CELF2: variants seen among roughly 807,000 people sequenced by gnomAD.
CELF2 encodes the protein CUGBP Elav-like family member 2, also known as CUG triplet repeat RNA-binding protein 2.
A neutral mutation model predicts 62.6 loss-of-function variants in CELF2; 8 were observed. The ratio of observed to expected loss-of-function variants is 0.13; its 90% CI spans 0.07 to 0.23. The LOEUF (loss-of-function observed/expected upper bound fraction) is 0.23. Ranked by LOEUF, CELF2 falls within the 10% of genes least tolerant of loss-of-function variation. The probability of loss-of-function intolerance (pLI) is 1.00; values close to 1 mark genes in which losing one functional copy is unlikely to be tolerated. For missense variants in CELF2, 333 were observed against 671.0 expected, an observed-to-expected ratio of 0.50 and a Z score of 5.56; for synonymous variants, 258 against 250.0, an observed-to-expected ratio of 1.03 and a Z score of -0.30.
At chr10:10,732,824 T>A in the CELF2 span, among the ~76,000 whole-genome samples, 1 of 152,096 alleles carries the variant, frequency 6.6e-6, no homozygotes, top group Non-Finnish European at 1.5e-5. Flanking sequence ...ACGCCCAGCC[T>A]CCAATTCTTT....
rs567831287 is a variant in CELF2, at chr10:11,259,666, C to T, written c.538+1794C>T. On this transcript the variant is annotated intron_variant, in intron 5 of 12. Coordinates refer to ENST00000633077, the MANE Select transcript of CELF2 (RefSeq NM_001326342.2). ...CCATCGCTGTGGCAGACTGCACCAC[C>T]TCTGGCTCCCAAACAGCCTCACCAG... is the stretch of plus-strand genomic sequence containing the variant. Among the ~76,000 whole-genome samples the T allele has an allele frequency of 4.6e-5, 7 of 152,308 alleles. No homozygotes were observed. In the South Asian group the frequency reaches 1.4e-3, roughly 32 times the overall value.
At chr10:11,063,021 C>CA (rs1373917026) in intron 1 of CELF2, among the ~76,000 whole-genome samples, 1 of 152,192 alleles carries the variant, frequency 6.6e-6, no homozygotes, top group East Asian at 1.9e-4. Flanking sequence ...GCGGAAGACT[C>CA]AAACGATAGT....
At chr10:10,701,763 C>A in the CELF2 span, among the ~76,000 whole-genome samples, 1 of 152,182 alleles carries the variant, frequency 6.6e-6, no homozygotes, top group African/African-American at 2.4e-5. Context: ...CTAGGGAGAA[C>A]CACGTCCCAT....
At chr10:10,655,657 C>T in the CELF2 span, among the ~76,000 whole-genome samples, 1 of 124,578 alleles carries the variant, frequency 8.0e-6, no homozygotes, top group Non-Finnish European at 1.8e-5. Context: ...GCTGGGAAAA[C>T]TGGCTAGCCA....
At chr10:11,250,500 T>C (rs138003495) in intron 4 of CELF2, among the ~76,000 whole-genome samples, 6 of 152,342 alleles carry the variant, frequency 3.9e-5, no homozygotes, top group Non-Finnish European at 8.8e-5. Context: ...TCAAATCCGC[T>C]GCTGCTCTGT....
the CELF2 span, among the ~76,000 whole-genome samples, chr10:10,654,745 A>G: frequency 2.5e-3 from 349 of 139,364 alleles, 2 homozygotes; most frequent in African/African-American, 9.1e-3. Flanking sequence ...ATCTATGACA[A>G]ACCCACAGCC....
chr10:10,600,174 C>T, the CELF2 span, among the ~76,000 whole-genome samples: 1 of 152,244 alleles, frequency 6.6e-6, no homozygotes, highest in East Asian at 1.9e-4. Flanking sequence ...GAAATTCATG[C>T]ATCCCAGGAG....
chr10:10,563,705 C>T, the CELF2 span, among the ~76,000 whole-genome samples: 1 of 150,732 alleles, frequency 6.6e-6, no homozygotes, highest in African/African-American at 2.4e-5. Context: ...CATTTCTCAT[C>T]ATGCTTCAAA....
chr10:10,463,594 T>C, the CELF2 span, among the ~76,000 whole-genome samples: 1 of 152,198 alleles, frequency 6.6e-6, no homozygotes, highest in Admixed American at 6.5e-5. Flanking sequence ...ATCTCTTTTT[T>C]TGTACACTAA....
At position 11,324,890 on chromosome 10, in the gene CELF2, A is replaced by G. The variant is rs1364000937; in HGVS notation, c.1295-946A>G. On this transcript the variant is annotated intron_variant, in intron 11 of 12. Coordinates refer to ENST00000633077, the MANE Select transcript of CELF2 (RefSeq NM_001326342.2). This position sits in a 1 kb window ranked among gnomAD's most constrained non-coding sequence, Gnocchi z 4.7. ...CCTGACCCGCTGCAGAAGTCGCCTC[A>G]CCAGTTCTGTGAGCGCCCCTCCTCG... Among the ~76,000 whole-genome samples the G allele has an allele frequency of 2.6e-5, 4 of 152,136 alleles. No individual in the cohort carries two copies. The highest frequency in any genetic ancestry group is 9.7e-5 in the African/African-American group (4 of 41,422).
chr10:11,298,040 T>G (rs540235502), intron 9 of CELF2, among the ~76,000 whole-genome samples: 1 of 152,276 alleles, frequency 6.6e-6, no homozygotes, highest in Admixed American at 6.5e-5. Flanking sequence ...GGGGAAGAAG[T>G]TTTTATGTTT....
chr10:10,779,746 C>T, the CELF2 span, among the ~76,000 whole-genome samples: 1 of 152,078 alleles, frequency 6.6e-6, no homozygotes, highest in Non-Finnish European at 1.5e-5. Flanking sequence ...TTTTAAAATG[C>T]TTCCCCAAGA....
chr10:10,657,372 A>G, the CELF2 span, among the ~76,000 whole-genome samples: 1 of 140,194 alleles, frequency 7.1e-6, no homozygotes, highest in Admixed American at 7.2e-5. Context: ...AGCATACACT[A>G]AAAGTATATA....
At chr10:10,836,191 A>T (rs1378375198) in intron 1 of CELF2, among the ~76,000 whole-genome samples, 4 of 152,184 alleles carry the variant, frequency 2.6e-5, no homozygotes, top group Admixed American at 6.5e-5. Flanking sequence ...AAATGAGGTC[A>T]ACTAGGGAGA....
At chr10:11,022,680 G>A (rs1023197119) in intron 1 of CELF2, among the ~76,000 whole-genome samples, 8 of 151,960 alleles carry the variant, frequency 5.3e-5, no homozygotes, top group Non-Finnish European at 7.4e-5. Flanking sequence ...TTAAACACTC[G>A]TTTACTTAGC....
the CELF2 span, among the ~76,000 whole-genome samples, chr10:10,778,133 A>G: frequency 1.3e-5 from 2 of 152,342 alleles, no homozygotes; most frequent in South Asian, 2.1e-4. Flanking sequence ...AGTTGAATTT[A>G]TAAGTCCAGA....
At chr10:10,994,864 T>G (rs180718914) in intron 2 of CELF2, among the ~76,000 whole-genome samples, 9 of 152,274 alleles carry the variant, frequency 5.9e-5, no homozygotes, top group Admixed American at 4.6e-4. Flanking sequence ...CAGGCTTTCT[T>G]TTACTGTCTC....
At chr10:11,103,906 C>A (rs1247721676) in intron 1 of CELF2, among the ~76,000 whole-genome samples, 1 of 152,146 alleles carries the variant, frequency 6.6e-6, no homozygotes, top group Non-Finnish European at 1.5e-5. Context: ...ATTTTAAAAT[C>A]TGGAAGGGTA....
chr10:10,649,952 C>T, the CELF2 span, among the ~76,000 whole-genome samples: 5 of 151,628 alleles, frequency 3.3e-5, no homozygotes, highest in Admixed American at 3.3e-4. Context: ...CCATTTAGAT[C>T]GATGCCCGAG....
Sources: gnomAD v4.1 joint callset for allele counts (sites outside exome capture counted in the v4.1 genomes callset) on GRCh38, gnomAD v4.1.1 for gene constraint, Gnocchi (gnomAD v3.1) non-coding constraint, MANE v1.5 for transcripts, NCBI Gene and HGNC (gene_info 2026-07-23, HGNC 2026-07-21) for gene names.